SMTNL1: variants seen among roughly 807,000 people sequenced by gnomAD.
SMTNL1 encodes smoothelin like 1.
A neutral mutation model predicts 46.6 loss-of-function variants in SMTNL1; 41 were observed. The observed-to-expected ratio is 0.88, with a 90% CI of 0.69 to 1.14. The LOEUF is 1.14. Ranked by LOEUF, SMTNL1 falls within the 50% of genes most tolerant of loss-of-function variation. The probability of loss-of-function intolerance (pLI) is 0.00; values close to 1 mark genes in which losing one functional copy is unlikely to be tolerated. For missense variants in SMTNL1, 591 were observed against 626.1 expected (o/e 0.94, Z 0.60); for synonymous variants, 234 against 234.2 (o/e 1.00, Z 0.01).
intron 1 of SMTNL1, 63 bp from the exon 2 acceptor site, chr11:57,542,578 G>A: frequency 6.6e-7 from 1 of 1,517,474 alleles, no homozygotes; most frequent in Non-Finnish European, 8.8e-7. Context: ...GCTCTCTGAG[G>A]GTGGGGTCTT....
chr11:57,546,556 C>A lies in SMTNL1; in HGVS notation c.1244C>A (p.Ala415Asp). 6.2e-7 allele frequency: 1 copy of A among 1,614,190 alleles called. No individual in the cohort carries two copies. Among genetic ancestry groups the A allele is most frequent in the Non-Finnish European group, 8.5e-7 (1 of 1,180,016 alleles). ...TGGAGCAGTGGTATGGCCTTCTGTG[C>A]CCTCATCCACAAGTTCTTCCCTGAC... ...SSWSSGMAFC[A>D]LIHKFFPDAF... is the part of the protein sequence containing the mutation. The change falls in exon 7 of 8, where the codon GCC becomes GAC. Residue 415 changes from alanine (A) to aspartate (D), a missense_variant. Transcript: ENST00000527972.
chr11:57,546,437 G>T, intron 6 of SMTNL1, 64 bp from the exon 7 acceptor site: 1 of 1,599,630 alleles, frequency 6.3e-7, no homozygotes, highest in South Asian at 1.1e-5. Context: ...GGTGGGAAGG[G>T]GGCCAAGTCC....
At chr11:57,539,332 G>A (rs1944855733) in intron 1 of SMTNL1, among the ~76,000 whole-genome samples, 1 of 152,184 alleles carries the variant, frequency 6.6e-6, no homozygotes, top group African/African-American at 2.4e-5. Flanking sequence ...ACTCCAGCCT[G>A]GGCAACAGAG....
rs772605520 is a variant in SMTNL1 at position 57,543,217 on chromosome 11, A to T, written c.575A>T (p.Lys192Met). The change falls in exon 2 of 8, where the codon AAG (lysine) becomes ATG (methionine). Residue 192 changes from lysine (K) to methionine (M), a missense_variant. Physicochemically the swap from Lys to Met is moderately conservative, Grantham distance 95. Coordinates refer to ENST00000527972, the MANE Select transcript of SMTNL1 (RefSeq NM_001105565.3). ...RKECSTEPKE[K>M]ATDEEAKAES... ...GAGTGCAGCACTGAACCCAAGGAGAAGGCTACTGATGAAGAGGCCAAGGCT... is the reference window on the plus strand; with the variant it reads ...GAGTGCAGCACTGAACCCAAGGAGATGGCTACTGATGAAGAGGCCAAGGCT... The T allele has an allele frequency of 2.4e-5, 39 of 1,613,778 alleles. No individual in the cohort carries two copies. The highest frequency in any genetic ancestry group is 6.7e-5 in the Admixed American group (4 of 59,982).
chr11:57,538,271 G>A (rs373089123), intron 1 of SMTNL1, among the ~76,000 whole-genome samples: 3 of 152,150 alleles, frequency 2.0e-5, no homozygotes, highest in Admixed American at 1.3e-4. Context: ...GGTGGCAGAC[G>A]CACCACAGAA....
chr11:57,539,826 G>A (rs1182844611), intron 1 of SMTNL1, among the ~76,000 whole-genome samples: 1 of 152,198 alleles, frequency 6.6e-6, no homozygotes, highest in East Asian at 1.9e-4. Context: ...ATCCCTATGG[G>A]ATGGGACCTA....
chr11:57,540,425 A>G (rs1944863940), intron 1 of SMTNL1, among the ~76,000 whole-genome samples: 1 of 152,186 alleles, frequency 6.6e-6, no homozygotes. Flanking sequence ...AAGAGGGTAA[A>G]GAGTAGGCTT....
intron 3 of SMTNL1, 29 bp downstream of exon 3, chr11:57,543,785 G>C (rs1372300316): frequency 1.3e-6 from 2 of 1,555,994 alleles, no homozygotes; most frequent in Admixed American, 3.9e-5. Context: ...CCCATGGGAT[G>C]CTGCAGAGGC....
Position 57,549,952 on chromosome 11 carries a change from C to A in SMTNL1, c.1341-16C>A, listed in dbSNP as rs760459573. The A allele has an allele frequency of 3.1e-6, 5 of 1,613,290 alleles. No homozygotes were observed. Among genetic ancestry groups the A allele is most frequent in the Non-Finnish European group, 4.2e-6 (5 of 1,179,540 alleles). Reference sequence around the variant, plus strand: ...CACCTTTGACCTTCTGCTCCTCATTCCACCCCATTCCTTAGGAAACTGGCT... The same window carrying A: ...CACCTTTGACCTTCTGCTCCTCATTACACCCCATTCCTTAGGAAACTGGCT... On this transcript the variant is annotated splice_polypyrimidine_tract_variant and intron_variant, in intron 7 of 7. Coordinates refer to ENST00000527972, the MANE Select transcript of SMTNL1 (RefSeq NM_001105565.3).
chr11:57,546,161 G>A, intron 5 of SMTNL1, 72 bp from the exon 6 acceptor site: 1 of 1,508,610 alleles, frequency 6.6e-7, no homozygotes, highest in Non-Finnish European at 8.9e-7. Context: ...TGGGGGCTGG[G>A]GATCCTCCCA....
chr11:57,541,610 T>C (rs1944878642), intron 1 of SMTNL1: 1 of 1,352,942 alleles, frequency 7.4e-7, no homozygotes, highest in Non-Finnish European at 9.8e-7. Context: ...GGCCCACCTT[T>C]TCCAAAAACC....
Position 57,550,107 on chromosome 11 carries a change from A to T in SMTNL1, c.1480A>T (p.Lys494Ter). ...VQKGLVKTKKK is the reference protein window; with the variant it reads ...VQKGLVKTKK ...GAAAGGACTGGTGAAGACCAAGAAG[A>T]AGTGAGGAGGTGACTGGCTCTGTGG... The change falls in exon 8 of 8, where the codon AAG becomes TAG. Residue 494 changes from lysine (K) to a stop codon, truncating the protein, a stop_gained. Transcript: ENST00000527972. LOFTEE classifies it high-confidence loss of function. 1 of 1,612,398 alleles carries T rather than the reference A, an allele frequency of 6.2e-7. No individual in the cohort carries two copies.
At chr11:57,544,251 G>A (rs1297616118) in intron 4 of SMTNL1, among the ~76,000 whole-genome samples, 3 of 152,198 alleles carry the variant, frequency 2.0e-5, no homozygotes, top group Non-Finnish European at 4.4e-5. Flanking sequence ...GTGGTGGTGG[G>A]CACCTGTAAT....
At chr11:57,545,802 C>A in intron 4 of SMTNL1, 79 bp from the exon 5 acceptor site, 29 of 1,179,436 alleles carry the variant, frequency 2.5e-5, no homozygotes, top group Non-Finnish European at 3.1e-5. Flanking sequence ...CACCCACCCT[C>A]CAGCCCCACA....
At chr11:57,541,357 G>A in intron 1 of SMTNL1, 1 of 439,598 alleles carries the variant, frequency 2.3e-6, no homozygotes. Context: ...CCTATTTGGG[G>A]ATTGTTTTCT....
intron 1 of SMTNL1, chr11:57,541,668 G>C: frequency 8.7e-7 from 1 of 1,153,626 alleles, no homozygotes; most frequent in Non-Finnish European, 1.1e-6. Flanking sequence ...TGGCCCTGGG[G>C]TTCCCAAATT....
chr11:57,549,830 G>A, intron 7 of SMTNL1, 138 bp from the exon 8 acceptor site: 2 of 862,554 alleles, frequency 2.3e-6, no homozygotes, highest in Non-Finnish European at 3.6e-6. Context: ...TGGGATGATT[G>A]GCTTAGATGA....
Position 57,543,938 on chromosome 11 carries a change from G to A in SMTNL1, c.917+18G>A. The A allele has an allele frequency of 1.1e-5, 18 of 1,571,200 alleles. No homozygotes were observed. The highest frequency in any genetic ancestry group is 1.6e-5 in the Non-Finnish European group (18 of 1,157,836). On this transcript the variant is annotated intron_variant, in intron 4 of 7. Transcript: ENST00000527972. The stretch of plus-strand genomic sequence containing the variant: ...TCAGCCAGGTAATGTCAAACTCTGG[G>A]GCTCCAGCTCCAATTCCCCCTACCT...
Position 57,542,817 on chromosome 11 carries a change from G to GAGGAC in SMTNL1, c.176_180dup (p.Gly61ArgfsTer15), listed in dbSNP as rs778551054. Reference sequence around the variant, plus strand: ...AGGAAAGCAGGAAAAGGCACCAGCCGAGGACGGCATGTCAGCAGAACTCCA... The same window carrying GAGGAC: ...AGGAAAGCAGGAAAAGGCACCAGCCGAGGACAGGACGGCATGTCAGCAGAACTCCA... On this transcript the variant is annotated frameshift_variant, in exon 2 of 8. Transcript: ENST00000527972. LOFTEE classifies it high-confidence loss of function. 7 of 1,613,634 alleles carry GAGGAC rather than the reference G, an allele frequency of 4.3e-6. No homozygotes were observed. Among genetic ancestry groups the GAGGAC allele is most frequent in the Non-Finnish European group, 5.9e-6 (7 of 1,179,824 alleles).
Sources: allele counts gnomAD v4.1 joint callset (sites outside exome capture counted in the v4.1 genomes callset), GRCh38; gene constraint gnomAD v4.1.1; transcripts MANE v1.5; gene names NCBI Gene and HGNC (gene_info 2026-07-23, HGNC 2026-07-21).